Variants in STK24 observed in about 807,000 individuals in gnomAD.
The protein encoded by STK24 is serine/threonine-protein kinase 24.
Under a neutral mutation model 55.6 loss-of-function variants are expected in STK24, and 21 were observed. The observed-to-expected ratio is 0.38, with a 90% CI of 0.27 to 0.54. The LOEUF (loss-of-function observed/expected upper bound fraction) is 0.54. Among genes scored for constraint, STK24 ranks in the 20% least tolerant of loss-of-function variants. The pLI is 0.79. For synonymous variants in STK24, 200 were observed against 215.2 expected (o/e 0.93, Z 0.62); for missense variants, 383 against 538.4 (o/e 0.71, Z 2.86).
At chr13:98,512,859 A>C (rs1226390929) in intron 2 of STK24, among the ~76,000 whole-genome samples, 1 of 152,260 alleles carries the variant, frequency 6.6e-6, no homozygotes, top group Non-Finnish European at 1.5e-5. Flanking sequence ...GACTCCACTC[A>C]GTGAGGGAGG....
intron 2 of STK24, among the ~76,000 whole-genome samples, chr13:98,491,663 A>AC (rs1895040680): frequency 6.6e-6 from 1 of 151,010 alleles, no homozygotes; most frequent in Non-Finnish European, 1.5e-5. Flanking sequence ...AAGGAAACCC[A>AC]CAGCATTACA....
At chr13:98,552,625 G>A (rs1380423891) in intron 1 of STK24, among the ~76,000 whole-genome samples, 1 of 152,144 alleles carries the variant, frequency 6.6e-6, no homozygotes, top group African/African-American at 2.4e-5. Context: ...ATCTGACCTT[G>A]TGGAGGTCCA....
At chr13:98,497,518 T>G (rs1216430152) in intron 2 of STK24, among the ~76,000 whole-genome samples, 1 of 151,902 alleles carries the variant, frequency 6.6e-6, no homozygotes, top group African/African-American at 2.4e-5. Flanking sequence ...GAAAGAGAGG[T>G]CAGAACCTCT....
intron 1 of STK24, among the ~76,000 whole-genome samples, chr13:98,539,061 C>T (rs1388818378): frequency 1.3e-5 from 2 of 152,198 alleles, no homozygotes; most frequent in African/African-American, 4.8e-5. Flanking sequence ...TCCAGCTGTA[C>T]ACAGCAGAGC....
In STK24 at chr13:98,452,781, A is replaced by T. The variant is rs1173519131; in HGVS notation, c.*392T>A. The T allele has an allele frequency of 3.9e-5, 7 of 179,502 alleles. No homozygotes were observed. Among genetic ancestry groups the T allele is most frequent in the Non-Finnish European group, 8.2e-5 (7 of 85,238 alleles). 11.1% of individuals were successfully genotyped at this position (179,502 alleles called of 1,614,324 possible). Reference sequence around the variant, plus strand: ...CCACCAGAGCGATTCTCCAGCTCCCAGAGGGAGTTATCAACTTAAAGCAGG... The same window carrying T: ...CCACCAGAGCGATTCTCCAGCTCCCTGAGGGAGTTATCAACTTAAAGCAGG... On this transcript the variant is annotated 3_prime_UTR_variant, in exon 11 of 11. Transcript: ENST00000539966.
intron 2 of STK24, among the ~76,000 whole-genome samples, chr13:98,490,592 G>A (rs559778396): frequency 5.3e-5 from 8 of 152,288 alleles, no homozygotes; most frequent in East Asian, 1.9e-4. Flanking sequence ...AACGTCCAGG[G>A]TCAAAGCTTC....
In STK24 at chr13:98,449,539, C is replaced by T. The variant is rs1040499133; in HGVS notation, c.*3634G>A. 9 of 152,584 alleles carry T rather than the reference C, an allele frequency of 5.9e-5. No individual in the cohort carries two copies. Among genetic ancestry groups the T allele is most frequent in the Non-Finnish European group, 1.5e-5 (1 of 68,052 alleles). The allele number at this position is 152,584 out of a possible 1,614,324, so 9.5% of individuals were successfully genotyped here. A position where few individuals can be genotyped will look rare whatever the true frequency, so the allele number is the denominator to read the frequency against. On this transcript the variant is annotated 3_prime_UTR_variant, in exon 11 of 11. Coordinates refer to ENST00000539966, the MANE Select transcript of STK24 (RefSeq NM_001032296.4). ...GAGGGCCAATTCAACCCCATTCTTT[C>T]CAGCGCCCCGCACCATAGCACCTGC...
At chr13:98,488,409 G>A (rs1444906112) in intron 2 of STK24, among the ~76,000 whole-genome samples, 1 of 152,042 alleles carries the variant, frequency 6.6e-6, no homozygotes, top group Non-Finnish European at 1.5e-5. Flanking sequence ...GATGCTTCAG[G>A]GGAGTTTTAT....
chr13:98,523,827 C>G (rs1896341090), intron 1 of STK24, among the ~76,000 whole-genome samples: 1 of 152,254 alleles, frequency 6.6e-6, no homozygotes, highest in Admixed American at 6.5e-5. Flanking sequence ...CAATAGGCAA[C>G]TAATACAGAA....
At chr13:98,563,240 T>C (rs1897474786) in intron 1 of STK24, among the ~76,000 whole-genome samples, 1 of 152,088 alleles carries the variant, frequency 6.6e-6, no homozygotes. Flanking sequence ...ATTTTGGGAG[T>C]GTGTACCCAG....
At chr13:98,461,389 G>C (rs1279148585) in intron 8 of STK24, among the ~76,000 whole-genome samples, 3 of 152,134 alleles carry the variant, frequency 2.0e-5, no homozygotes, top group Non-Finnish European at 4.4e-5. Flanking sequence ...TTACTTATAA[G>C]GTCCTTAAAA....
At chr13:98,476,536 G>A (rs1894384171) in intron 3 of STK24, among the ~76,000 whole-genome samples, 1 of 152,226 alleles carries the variant, frequency 6.6e-6, no homozygotes. Flanking sequence ...AGCCAAAGGG[G>A]ATGAAAACTA....
chr13:98,460,714 C>T (rs776181634), intron 8 of STK24, among the ~76,000 whole-genome samples: 2 of 152,194 alleles, frequency 1.3e-5, no homozygotes, highest in Admixed American at 6.5e-5. Flanking sequence ...TGGGCACAGG[C>T]GGTGAACTGC....
In STK24 at chr13:98,482,310, T is replaced by C; in HGVS notation, c.285A>G (p.Leu95=). 6.4e-7 allele frequency: 1 copy of C among 1,567,854 alleles called. No individual in the cohort carries two copies. Among genetic ancestry groups the C allele is most frequent in the Non-Finnish European group, 8.7e-7 (1 of 1,148,262 alleles). Residue 95 remains leucine (L), a synonymous_variant, in exon 3 of 11, where the codon TTA becomes TTG. Coordinates refer to ENST00000539966, the MANE Select transcript of STK24 (RefSeq NM_001032296.4). The part of the protein sequence containing the change: ...YYGSYLKDTK[L]WIIMEYLGGG... ...CACCAAGATATTCCATTATTATCCA[T>C]AATTTTGTATCCTATAAAACAAAAA...
intron 8 of STK24, 88 bp from the exon 9 acceptor site, chr13:98,460,528 A>G: frequency 9.0e-7 from 1 of 1,112,762 alleles, no homozygotes; most frequent in Non-Finnish European, 1.3e-6. Context: ...GGACTATGGA[A>G]GCGCAGGAGT....
chr13:98,502,552 C>T (rs1229926455), intron 2 of STK24, among the ~76,000 whole-genome samples: 1 of 152,116 alleles, frequency 6.6e-6, no homozygotes, highest in Non-Finnish European at 1.5e-5. Context: ...AAGGACGGAG[C>T]CCTCATGAAT....
chr13:98,482,256 A>G lies in STK24; in HGVS notation c.330+9T>C, dbSNP rs751807807. On this transcript the variant is annotated intron_variant, in intron 3 of 10. Coordinates refer to ENST00000539966, the MANE Select transcript of STK24 (RefSeq NM_001032296.4). ...TTGATACGTATTCTGCATCCAACAT[A>G]ATACTTACTAGATCTAGTGCGGAGC... 2.6e-6 allele frequency: 4 copies of G among 1,538,148 alleles called. No homozygotes were observed. Among genetic ancestry groups the G allele is most frequent in the Admixed American group, 1.9e-5 (1 of 52,330 alleles).
Position 98,528,128 on chromosome 13 carries a change from C to T in STK24, c.43-8655G>A, listed in dbSNP as rs1156662919. Among the ~76,000 whole-genome samples, 7 of 152,310 alleles carry T rather than the reference C, an allele frequency of 4.6e-5. No individual in the cohort carries two copies. In the East Asian group the frequency reaches 5.8e-4, roughly 13 times the overall value. On this transcript the variant is annotated intron_variant, in intron 1 of 10. Transcript: ENST00000539966. ...TCATTCATGAGGATATGCAGGTTGG[C>T]CCAGGGCGGGAGGTCCAGGACAGAC...
intron 2 of STK24, among the ~76,000 whole-genome samples, chr13:98,491,460 T>A (rs1212984755): frequency 1.3e-5 from 2 of 152,114 alleles, no homozygotes; most frequent in African/African-American, 4.8e-5. Flanking sequence ...AACATCAACA[T>A]CAACTTAAAC....
Sources: allele counts gnomAD v4.1 joint callset (sites outside exome capture counted in the v4.1 genomes callset), GRCh38; gene constraint gnomAD v4.1.1; transcripts MANE v1.5; gene names NCBI Gene and HGNC (gene_info 2026-07-23, HGNC 2026-07-21).